LARP1B: variants seen among roughly 807,000 people sequenced by gnomAD.
The protein encoded by LARP1B is La ribonucleoprotein 1B.
In LARP1B, 76 loss-of-function variants were observed where a neutral mutation model predicts 114.2. That is an observed-to-expected ratio of 0.67 (90% confidence interval 0.55 to 0.81). The LOEUF (loss-of-function observed/expected upper bound fraction) is 0.81. Ranked by LOEUF, LARP1B falls within the 30% of genes least tolerant of loss-of-function variation. LARP1B has a pLI of 0.00. For missense variants in LARP1B, 1,014 were observed against 1,075.8 expected (o/e 0.94, Z 0.80); for synonymous variants, 345 against 348.0 (o/e 0.99, Z 0.10).
Position 128,210,228 on chromosome 4 carries a change from A to AT in LARP1B, c.*181dup, listed in dbSNP as rs1300441058. The AT allele has an allele frequency of 1.1e-5, 16 of 1,416,826 alleles. No homozygotes were observed. In the East Asian group the frequency reaches 3.8e-4, roughly 33 times the overall value. The allele number at this position is 1,416,826 out of a possible 1,614,324, so 87.8% of individuals were successfully genotyped here. A position where few individuals can be genotyped will look rare whatever the true frequency, so the allele number is the denominator to read the frequency against. On this transcript the variant is annotated 3_prime_UTR_variant, in exon 20 of 20. Coordinates refer to ENST00000326639, the MANE Select transcript of LARP1B (RefSeq NM_018078.4). ...AAGAAAAAGAAAGAAAAGTGGTAGC[A>AT]TTTTTTCTAACAAGATAAATTCTAA... is the stretch of plus-strand genomic sequence containing the variant.
At chr4:128,166,968 CTCTATATA>C (rs1420945920) in intron 12 of LARP1B, among the ~76,000 whole-genome samples, 527 of 81,008 alleles carry the variant, frequency 6.5e-3, no homozygotes, top group East Asian at 0.031. Flanking sequence ...CTCTCTCTCT[CTCTATATA>C]TATATATATA....
At chr4:128,065,252 A>ATTTATTTATTT (rs1561009396) in intron 1 of LARP1B, among the ~76,000 whole-genome samples, 1 of 108,928 alleles carries the variant, frequency 9.2e-6, no homozygotes, top group Non-Finnish European at 2.0e-5. Context: ...TCCCACAATT[A>ATTTATTTATTT]ATTTCTTTCT....
intron 11 of LARP1B, among the ~76,000 whole-genome samples, chr4:128,159,194 A>G (rs576056244): frequency 6.6e-6 from 1 of 151,678 alleles, no homozygotes; most frequent in Non-Finnish European, 1.5e-5. Flanking sequence ...AAAAAAAAGG[A>G]AATATGTTGT....
chr4:128,211,799 T>C lies in LARP1B; in HGVS notation c.*1746T>C. On this transcript the variant is annotated 3_prime_UTR_variant, in exon 20 of 20. Coordinates refer to ENST00000326639, the MANE Select transcript of LARP1B (RefSeq NM_018078.4). ...CCAGATATTTCTACTCAACTGAATA[T>C]ACAAGTGTAAATTTGATTGGAAAAT... The C allele has an allele frequency of 2.4e-6, 2 of 848,178 alleles. No homozygotes were observed. The highest frequency in any genetic ancestry group is 1.8e-5 in the African/African-American group (1 of 54,974). 52.5% of individuals were successfully genotyped at this position (848,178 alleles called of 1,614,324 possible).
At chr4:128,061,983 G>A in intron 1 of LARP1B, 1 of 985,208 alleles carries the variant, frequency 1.0e-6, no homozygotes, top group Non-Finnish European at 1.2e-6. Flanking sequence ...CGTGGGCCCG[G>A]GGGCCCTTTC....
intron 12 of LARP1B, among the ~76,000 whole-genome samples, chr4:128,175,785 T>G (rs1482438523): frequency 2.0e-5 from 3 of 152,148 alleles, no homozygotes; most frequent in African/African-American, 7.2e-5. Flanking sequence ...CTGGTGGACC[T>G]CTAAGATTTA....
intron 1 of LARP1B, among the ~76,000 whole-genome samples, chr4:128,073,195 C>G (rs982692280): frequency 1.3e-5 from 2 of 151,924 alleles, no homozygotes; most frequent in East Asian, 3.9e-4. Context: ...GGGCGGATTA[C>G]TTGAGGTCAG....
At chr4:128,139,733 ATGAC>A (rs1391812125) in intron 11 of LARP1B, among the ~76,000 whole-genome samples, 1 of 152,238 alleles carries the variant, frequency 6.6e-6, no homozygotes, top group Non-Finnish European at 1.5e-5. Context: ...AGAAGTCTAA[ATGAC>A]TGAGAACATG....
chr4:128,206,153 G>A (rs1757530985), intron 17 of LARP1B, among the ~76,000 whole-genome samples: 1 of 152,100 alleles, frequency 6.6e-6, no homozygotes, highest in Non-Finnish European at 1.5e-5. Context: ...TTAGCTGGAT[G>A]TGGTGGTGGG....
rs115132814 is a variant in LARP1B, at chr4:128,210,679, A to G, written c.*626A>G. ...GTAAGATTGTAGTTACAATGAGTAT[A>G]TGCACTTTTGATGCTAGGTTTTGCT... On this transcript the variant is annotated 3_prime_UTR_variant, in exon 20 of 20. Coordinates refer to ENST00000326639, the MANE Select transcript of LARP1B (RefSeq NM_018078.4). 5.0e-3 allele frequency: 4,902 copies of G among 979,670 alleles called. 10 individuals carry two copies. The highest frequency in any genetic ancestry group is 5.7e-3 in the Non-Finnish European group (4,718 of 824,680). 60.7% of individuals were successfully genotyped at this position (979,670 alleles called of 1,614,324 possible).
Position 128,082,278 on chromosome 4 carries a change from C to T in LARP1B, c.331C>T (p.His111Tyr). Residue 111 changes from histidine (H) to tyrosine (Y), a missense_variant, in exon 5 of 20, where the codon CAT becomes TAT. Physicochemically the swap from His to Tyr is moderately conservative, Grantham distance 83 (BLOSUM62 2). Coordinates refer to ENST00000326639, the MANE Select transcript of LARP1B (RefSeq NM_018078.4). Reference sequence around the variant, plus strand: ...TCAACCTGAAGCAAATAAACCAACACATAACAATAGGAGAAATGATACACG... The same window carrying T: ...TCAACCTGAAGCAAATAAACCAACATATAACAATAGGAGAAATGATACACG... ...RCQPEANKPT[H>Y]NNRRNDTRSW... is the part of the protein sequence containing the mutation. The T allele has an allele frequency of 1.2e-6, 2 of 1,613,834 alleles. No homozygotes were observed. The highest frequency in any genetic ancestry group is 1.7e-6 in the Non-Finnish European group (2 of 1,179,822).
chr4:128,062,930 C>T (rs1328530325), intron 1 of LARP1B, among the ~76,000 whole-genome samples: 2 of 152,124 alleles, frequency 1.3e-5, no homozygotes, highest in Middle Eastern at 3.4e-3. Flanking sequence ...AAATAAAGTG[C>T]TTTAAGTTAT....
At chr4:128,073,591 T>TTTTTTTTTTTTTTTTTTTTTTTTTG (rs1766517165) in intron 1 of LARP1B, among the ~76,000 whole-genome samples, 1 of 27,918 alleles carries the variant, frequency 3.6e-5, no homozygotes, top group African/African-American at 1.1e-4. Flanking sequence ...TTTTTTTTTT[T>TTTTTTTTTTTTTTTTTTTTTTTTTG]TTTTTTTTTT....
Position 128,107,332 on chromosome 4 carries a change from G to C in LARP1B, c.988+19G>C. ...CATACAGGTAACATCTTTTCTTCTA[G>C]AGCAAACGATGTAACAGTGGGTTAT... is the stretch of plus-strand genomic sequence containing the variant. On this transcript the variant is annotated intron_variant, in intron 9 of 19. Coordinates refer to ENST00000326639, the MANE Select transcript of LARP1B (RefSeq NM_018078.4). 6.2e-7 allele frequency: 1 copy of C among 1,613,192 alleles called. No homozygotes were observed.
chr4:128,206,278 G>A, intron 17 of LARP1B, 150 bp from the exon 18 acceptor site: 1 of 497,408 alleles, frequency 2.0e-6, no homozygotes, highest in African/African-American at 2.0e-5. Flanking sequence ...AGCAACAAGA[G>A]TGAGACTCTG....
intron 11 of LARP1B, among the ~76,000 whole-genome samples, chr4:128,133,007 AG>A (rs1368511610): frequency 3.3e-5 from 5 of 151,992 alleles, no homozygotes; most frequent in African/African-American, 1.2e-4. Flanking sequence ...AGTTCACAAT[AG>A]GGTTCATGCT....
Position 128,091,064 on chromosome 4 carries a change from G to C in LARP1B, c.422G>C (p.Gly141Ala). Residue 141 changes from glycine (G) to alanine (A), a missense_variant, in exon 6 of 20, where the codon GGT becomes GCT. By Grantham distance (60) the Gly-to-Ala change is moderately conservative (BLOSUM62 0). Coordinates refer to ENST00000326639, the MANE Select transcript of LARP1B (RefSeq NM_018078.4). ...GACGTTTCCAGTGTGAGAAGTGAGGGTGGTAATATCCGAGGTTCCTTTAGA... is the reference window on the plus strand; with the variant it reads ...GACGTTTCCAGTGTGAGAAGTGAGGCTGGTAATATCCGAGGTTCCTTTAGA... ...QDDVSSVRSE[G>A]GNIRGSFRGR... is the part of the protein sequence containing the mutation. The C allele has an allele frequency of 6.2e-7, 1 of 1,613,834 alleles. No individual in the cohort carries two copies. The highest frequency in any genetic ancestry group is 8.5e-7 in the Non-Finnish European group (1 of 1,179,782).
chr4:128,093,900 G>T (rs1220340372), intron 7 of LARP1B, among the ~76,000 whole-genome samples: 1 of 151,472 alleles, frequency 6.6e-6, no homozygotes. Flanking sequence ...TAGTAGAGAC[G>T]GGGTTTCATC....
At chr4:128,164,983 T>TA (rs199894929) in intron 12 of LARP1B, among the ~76,000 whole-genome samples, 3 of 150,180 alleles carry the variant, frequency 2.0e-5, no homozygotes, top group African/African-American at 7.3e-5. Flanking sequence ...TAGGAAAAAA[T>TA]AAAAAAATAA....
Sources: gnomAD v4.1 joint callset for allele counts (sites outside exome capture counted in the v4.1 genomes callset) on GRCh38, gnomAD v4.1.1 for gene constraint, MANE v1.5 for transcripts, NCBI Gene and HGNC (gene_info 2026-07-23, HGNC 2026-07-21) for gene names.